The following RCC1 variants were observed in gnomAD, a reference collection of about 807,000 sequenced individuals.
The protein encoded by RCC1 is regulator of chromosome condensation 1.
RCC1 carries 11 observed loss-of-function variants against 44.4 expected under a neutral mutation model. The ratio of observed to expected loss-of-function variants is 0.25; its 90% confidence interval spans 0.16 to 0.41. RCC1 has a LOEUF of 0.41. Ranked by LOEUF, RCC1 falls within the 10% of genes least tolerant of loss-of-function variation. The probability of loss-of-function intolerance (pLI) is 1.00; values close to 1 mark genes in which losing one functional copy is unlikely to be tolerated. For synonymous variants in RCC1, 213 were observed against 216.5 expected (o/e 0.98, Z 0.14); for missense variants, 386 against 547.1 (o/e 0.71, Z 2.94).
rs985536697 is a variant in RCC1 at position 28,525,576 on chromosome 1, G to A, written c.-9-4282G>A. Among the ~76,000 whole-genome samples, 4 of 152,154 alleles carry A rather than the reference G, an allele frequency of 2.6e-5. No individual in the cohort carries two copies. In the East Asian group the frequency reaches 7.7e-4, roughly 29 times the overall value. On this transcript the variant is annotated intron_variant, in intron 4 of 12. Coordinates refer to ENST00000683442, the MANE Select transcript of RCC1 (RefSeq NM_001381865.2). The stretch of plus-strand genomic sequence containing the variant: ...TCCCAAAGAATGTGCACTTTTTAGT[G>A]TGGGACAAGGGGTCTCAAAAGACAG...
At chr1:28,531,262 TTTC>T (rs1256093483) in intron 5 of RCC1, among the ~76,000 whole-genome samples, 12 of 146,338 alleles carry the variant, frequency 8.2e-5, no homozygotes, top group Admixed American at 6.7e-4. Flanking sequence ...TTCTTTTCTT[TTTC>T]TTTTTTTTTT....
chr1:28,506,364 T>C (rs1230479098), intron 1 of RCC1: 1 of 390,376 alleles, frequency 2.6e-6, no homozygotes, highest in Non-Finnish European at 5.0e-6. Context: ...TTTGTATTCT[T>C]AGTGGAGACG....
intron 1 of RCC1, chr1:28,507,306 C>G: frequency 7.8e-6 from 4 of 510,650 alleles, no homozygotes; most frequent in Non-Finnish European, 1.6e-5. Context: ...TCTGTAGTAA[C>G]ATGAATGGAT....
Position 28,538,308 on chromosome 1 carries a change from G to A in RCC1, c.*301G>A, listed in dbSNP as rs1664684343. On this transcript the variant is annotated 3_prime_UTR_variant, in exon 13 of 13. Coordinates refer to ENST00000683442, the MANE Select transcript of RCC1 (RefSeq NM_001381865.2). Reference sequence around the variant, plus strand: ...TCCCTACCTTCCATGGTCCTGGTTGGCCCTGGCTTTGCCTACTAGAAAACC... The same window carrying A: ...TCCCTACCTTCCATGGTCCTGGTTGACCCTGGCTTTGCCTACTAGAAAACC... 1 of 206,842 alleles carries A rather than the reference G, an allele frequency of 4.8e-6. No homozygotes were observed. The highest frequency in any genetic ancestry group is 2.3e-5 in the African/African-American group (1 of 43,118). 12.8% of individuals were successfully genotyped at this position (206,842 alleles called of 1,614,324 possible).
rs531191085 is a variant in RCC1, at chr1:28,529,373, G to A, written c.-9-485G>A. The stretch of plus-strand genomic sequence containing the variant: ...TAATTTTTGTATTTTTAGTAGAGAC[G>A]GGGTTTTGCCATGTTGGCCAGGCTG... On this transcript the variant is annotated intron_variant, in intron 4 of 12. Coordinates refer to ENST00000683442, the MANE Select transcript of RCC1 (RefSeq NM_001381865.2). 3.9e-3 allele frequency among the ~76,000 whole-genome samples: 576 copies of A among 148,250 alleles called. 3 individuals carry two copies. The highest frequency in any genetic ancestry group is 0.013 in the African/African-American group (537 of 41,126).
At chr1:28,531,504 C>T (rs1395519372) in intron 5 of RCC1, among the ~76,000 whole-genome samples, 2 of 151,958 alleles carry the variant, frequency 1.3e-5, no homozygotes, top group Admixed American at 6.6e-5. Context: ...TGTGAGCCAC[C>T]GCACCCAGCC....
chr1:28,519,437 C>G (rs1196320346), intron 4 of RCC1, among the ~76,000 whole-genome samples: 1 of 152,178 alleles, frequency 6.6e-6, no homozygotes, highest in East Asian at 1.9e-4. Context: ...AAAGACATCC[C>G]AAGAGCAGGA....
Position 28,536,358 on chromosome 1 carries a change from A to AT in RCC1, c.915dup (p.Thr306TyrfsTer17). 1 of 1,614,084 alleles carries AT rather than the reference A, an allele frequency of 6.2e-7. No homozygotes were observed. The highest frequency in any genetic ancestry group is 1.6e-4 in the Middle Eastern group (1 of 6,062). On this transcript the variant is annotated frameshift_variant, in exon 11 of 13. Transcript: ENST00000683442. LOFTEE classifies it high-confidence loss of function. This position sits in a 1 kb window ranked among gnomAD's most constrained non-coding sequence, Gnocchi z 4.9. ...GTGGGCTTCTCTGGTGGCCAGCACC[A>AT]TACAGTCTGCATGGATTCGGAAGGT...
In RCC1 at chr1:28,536,482, C is replaced by T. The variant is rs375327868; in HGVS notation, c.937+101C>T. The stretch of plus-strand genomic sequence containing the variant: ...ATGGTCCTTGGAGCCTGGGTCTGTT[C>T]CATGGGTTGTACCATACATGGGTCC... On this transcript the variant is annotated intron_variant, in intron 11 of 12. Coordinates refer to ENST00000683442, the MANE Select transcript of RCC1 (RefSeq NM_001381865.2). This position sits in a 1 kb window ranked among gnomAD's most constrained non-coding sequence, Gnocchi z 4.9. 1 of 1,444,526 alleles carries T rather than the reference C, an allele frequency of 6.9e-7. No homozygotes were observed. The highest frequency in any genetic ancestry group is 9.4e-7 in the Non-Finnish European group (1 of 1,068,572). 89.5% of individuals were successfully genotyped at this position (1,444,526 alleles called of 1,614,324 possible). A position where few individuals can be genotyped will look rare whatever the true frequency, so the allele number is the denominator to read the frequency against.
chr1:28,513,410 G>A (rs535474368), intron 3 of RCC1, among the ~76,000 whole-genome samples: 184 of 151,990 alleles, frequency 1.2e-3, no homozygotes, highest in African/African-American at 4.3e-3. Context: ...GCCCAGGCTG[G>A]TCTCAAACTC....
chr1:28,508,605 G>A (rs374597844), intron 2 of RCC1: 8 of 518,682 alleles, frequency 1.5e-5, no homozygotes, highest in African/African-American at 1.5e-4. Flanking sequence ...CTCTGTCCAA[G>A]TGGCATAGGG....
intron 1 of RCC1, chr1:28,507,571 C>T (rs532227238): frequency 4.1e-5 from 21 of 514,484 alleles, no homozygotes; most frequent in African/African-American, 2.1e-4. Flanking sequence ...AGGAAACAGC[C>T]TTCTAGAGCA....
At chr1:28,526,732 C>G (rs1396785176) in intron 4 of RCC1, 1 of 524,250 alleles carries the variant, frequency 1.9e-6, no homozygotes, top group Non-Finnish European at 3.4e-6. Flanking sequence ...CCCATCTCTA[C>G]TAAAAATACA....
In RCC1 at chr1:28,537,829, C is replaced by T. The variant is rs1664644497; in HGVS notation, c.1091-3C>T. 6.2e-7 allele frequency: 1 copy of T among 1,610,402 alleles called. No individual in the cohort carries two copies. The highest frequency in any genetic ancestry group is 1.3e-5 in the African/African-American group (1 of 74,858). ...CAGCTGTACCCATTTCTCTCTCTTG[C>T]AGGTCGTGTTTTCGCCTGGGGCATG... On this transcript the variant is annotated splice_region_variant and splice_polypyrimidine_tract_variant and intron_variant, in intron 12 of 12. Coordinates refer to ENST00000683442, the MANE Select transcript of RCC1 (RefSeq NM_001381865.2).
At chr1:28,537,601 A>G (rs1184011711) in intron 12 of RCC1, among the ~76,000 whole-genome samples, 1 of 152,206 alleles carries the variant, frequency 6.6e-6, no homozygotes, top group Non-Finnish European at 1.5e-5. Context: ...TGCCACGCCT[A>G]GGAGCAGCCT....
chr1:28,522,908 G>A (rs895223313), intron 4 of RCC1, among the ~76,000 whole-genome samples: 3 of 151,862 alleles, frequency 2.0e-5, no homozygotes, highest in Admixed American at 2.0e-4. Flanking sequence ...GATGAGGGTG[G>A]GGACCGGAAG....
chr1:28,521,675 C>G (rs985612847), intron 4 of RCC1, among the ~76,000 whole-genome samples: 2 of 152,206 alleles, frequency 1.3e-5, no homozygotes, highest in African/African-American at 4.8e-5. Flanking sequence ...ACTGTCCTTC[C>G]CCACATCTGT....
chr1:28,507,499 G>T, intron 1 of RCC1: 1 of 518,830 alleles, frequency 1.9e-6, no homozygotes, highest in Non-Finnish European at 3.8e-6. Flanking sequence ...TCGTGTCTGC[G>T]CCTGCATATT....
intron 1 of RCC1, chr1:28,507,473 G>A (rs761779740): frequency 3.9e-6 from 2 of 519,118 alleles, no homozygotes; most frequent in African/African-American, 1.9e-5. Flanking sequence ...CACAACGTTG[G>A]AAATAAAGCT....
Sources: allele counts gnomAD v4.1 joint callset (sites outside exome capture counted in the v4.1 genomes callset), GRCh38; gene constraint gnomAD v4.1.1; non-coding constraint Gnocchi (gnomAD v3.1); transcripts MANE v1.5; gene names NCBI Gene and HGNC (gene_info 2026-07-23, HGNC 2026-07-21).